The following INO80 variants were observed in gnomAD, a reference collection of about 807,000 sequenced individuals.
INO80 encodes INO80 complex ATPase subunit.
In INO80, 20 loss-of-function variants were observed where a neutral mutation model predicts 203.4. That is an observed-to-expected ratio of 0.10 (90% CI 0.07 to 0.14). INO80 has a LOEUF of 0.14. INO80 is among the 10% of genes least tolerant of loss of function. INO80 has a pLI of 1.00. For missense variants in INO80, 1,419 were observed against 1,914.4 expected, an observed-to-expected ratio of 0.74 and a Z score of 4.83; for synonymous variants, 726 against 685.2, an observed-to-expected ratio of 1.06 and a Z score of -0.93.
At chr15:40,997,463 AACC>A in intron 29 of INO80, 63 bp downstream of exon 29, 7 of 1,062,404 alleles carry the variant, frequency 6.6e-6, no homozygotes, top group Non-Finnish European at 1.0e-5. Context: ...ATATTAGAAA[AACC>A]TACATAGTAG....
intron 7 of INO80, among the ~76,000 whole-genome samples, chr15:41,082,457 T>C (rs1327391238): frequency 6.6e-6 from 1 of 151,782 alleles, no homozygotes; most frequent in Admixed American, 6.6e-5. Flanking sequence ...TCCCAGCACT[T>C]TGGGAGGCCG....
In INO80 at chr15:41,092,138, A is replaced by G; in HGVS notation, c.426T>C (p.Ser142=). The G allele has an allele frequency of 6.2e-7, 1 of 1,610,276 alleles. No individual in the cohort carries two copies. The highest frequency in any genetic ancestry group is 8.5e-7 in the Non-Finnish European group (1 of 1,176,934). ...SDESSEADSQ[S]EDDDEEELNL... is the part of the protein sequence containing the mutation. ...TGAGTTCTTCTTCATCATCGTCTTC[A>G]CTCTGAGAATCAGCCTCGCTGGATT... The change falls in exon 5 of 36, where the codon AGT becomes AGC. Residue 142 remains serine (S), a synonymous_variant. Coordinates refer to ENST00000648947, the MANE Select transcript of INO80 (RefSeq NM_017553.3).
chr15:41,045,170 C>T, intron 23 of INO80, 95 bp from the exon 24 acceptor site: 1 of 882,246 alleles, frequency 1.1e-6, no homozygotes, highest in South Asian at 2.5e-5. Flanking sequence ...TAACATAACT[C>T]TTTTGTAAAT....
intron 5 of INO80, among the ~76,000 whole-genome samples, chr15:41,088,673 T>C (rs2140647486): frequency 1.3e-5 from 2 of 152,300 alleles, no homozygotes; most frequent in Middle Eastern, 3.4e-3. Flanking sequence ...TGCATAAATA[T>C]AAATTAAAAT....
intron 1 of INO80, among the ~76,000 whole-genome samples, chr15:41,099,584 C>T (rs1480461716): frequency 6.6e-6 from 1 of 151,872 alleles, no homozygotes; most frequent in Non-Finnish European, 1.5e-5. Flanking sequence ...AGTTCAAGAC[C>T]AGCCTGAGTA....
intron 12 of INO80, among the ~76,000 whole-genome samples, chr15:41,071,521 C>T (rs2140595076): frequency 7.3e-6 from 1 of 136,526 alleles, no homozygotes; most frequent in South Asian, 2.3e-4. Context: ...ATGGCGCCAT[C>T]TTAGCTCACC....
At chr15:41,087,233 C>T (rs1221606575) in intron 6 of INO80, among the ~76,000 whole-genome samples, 1 of 152,010 alleles carries the variant, frequency 6.6e-6, no homozygotes, top group East Asian at 1.9e-4. Flanking sequence ...ATTTACATAG[C>T]ATTTACATCA....
chr15:40,997,414 G>A (rs1222581307), intron 29 of INO80, 115 bp downstream of exon 29: 11 of 699,426 alleles, frequency 1.6e-5, no homozygotes, highest in Non-Finnish European at 2.3e-5. Flanking sequence ...AAGTTTGCAA[G>A]TTTGTGACAC....
At chr15:41,113,841 T>C (rs1314480148) in intron 1 of INO80, among the ~76,000 whole-genome samples, 1 of 152,256 alleles carries the variant, frequency 6.6e-6, no homozygotes, top group Non-Finnish European at 1.5e-5. Flanking sequence ...TAAACTTTTC[T>C]AATCACATTT....
chr15:41,068,836 G>A (rs547531734), intron 14 of INO80, among the ~76,000 whole-genome samples: 7 of 152,088 alleles, frequency 4.6e-5, no homozygotes, highest in South Asian at 2.1e-4. Flanking sequence ...CTCTAGCCTC[G>A]GCGACAGAGT....
At chr15:41,022,916 G>A (rs1234349522) in intron 25 of INO80, among the ~76,000 whole-genome samples, 2 of 151,786 alleles carry the variant, frequency 1.3e-5, no homozygotes, top group East Asian at 3.9e-4. Flanking sequence ...GCCTGGCCAA[G>A]ATGGCAAAAC....
intron 1 of INO80, among the ~76,000 whole-genome samples, chr15:41,097,629 C>T (rs572166064): frequency 5.2e-4 from 79 of 151,484 alleles, no homozygotes; most frequent in African/African-American, 1.9e-3. Flanking sequence ...TCCACCACCA[C>T]ACCTAGCTAA....
chr15:41,025,832 G>C (rs764670166), intron 25 of INO80, among the ~76,000 whole-genome samples: 1 of 152,122 alleles, frequency 6.6e-6, no homozygotes, highest in African/African-American at 2.4e-5. Flanking sequence ...AGGTCTCTTG[G>C]TATACACCTA....
chr15:41,047,610 A>C, intron 22 of INO80, 109 bp from the exon 23 acceptor site: 1 of 735,554 alleles, frequency 1.4e-6, no homozygotes, highest in Admixed American at 2.8e-5. Context: ...CACTATTCTA[A>C]AGGTTCTGAT....
intron 1 of INO80, among the ~76,000 whole-genome samples, chr15:41,103,780 C>T (rs1304046641): frequency 6.6e-6 from 1 of 152,082 alleles, no homozygotes; most frequent in East Asian, 1.9e-4. Flanking sequence ...AATTTAAAGA[C>T]CTTTATCATC....
intron 24 of INO80, 124 bp downstream of exon 24, chr15:41,044,780 G>A (rs578152129): frequency 1.2e-4 from 86 of 736,828 alleles, no homozygotes; most frequent in Middle Eastern, 3.8e-4. Context: ...ATGCTGCACC[G>A]CCCACTCCTC....
At chr15:40,991,652 C>T (rs1031787412) in intron 29 of INO80, among the ~76,000 whole-genome samples, 3 of 151,976 alleles carry the variant, frequency 2.0e-5, no homozygotes, top group African/African-American at 7.3e-5. Context: ...ATTGTAAACA[C>T]CAAGCAGGGC....
intron 29 of INO80, among the ~76,000 whole-genome samples, chr15:40,988,886 G>A (rs916975609): frequency 2.0e-5 from 3 of 152,126 alleles, no homozygotes; most frequent in Admixed American, 6.5e-5. Context: ...GTGGCAGTGC[G>A]TGCCTGCAAT....
chr15:41,008,925 C>T (rs985787385), intron 27 of INO80, among the ~76,000 whole-genome samples: 8 of 152,292 alleles, frequency 5.3e-5, no homozygotes, highest in African/African-American at 1.4e-4. Flanking sequence ...CTTCCACTTC[C>T]GGGGTTCAAG....
Sources: gnomAD v4.1 joint callset for allele counts (sites outside exome capture counted in the v4.1 genomes callset) on GRCh38, gnomAD v4.1.1 for gene constraint, MANE v1.5 for transcripts, NCBI Gene and HGNC (gene_info 2026-07-23, HGNC 2026-07-21) for gene names.